Variants in METTL15 observed in about 807,000 individuals in gnomAD.
The protein encoded by METTL15 is methyltransferase 15, mitochondrial 12S rRNA N4-cytidine, also known as 12S rRNA N(4)-cytidine methyltransferase METTL15.
In METTL15, 34 loss-of-function variants were observed where a neutral mutation model predicts 38.3. That is an observed-to-expected ratio of 0.89 (90% CI 0.68 to 1.18). The LOEUF is 1.18. Among genes scored for constraint, METTL15 ranks in the 50% most tolerant of loss-of-function variants. The pLI, the probability that METTL15 is intolerant of heterozygous loss-of-function variation, is 0.00. For synonymous variants in METTL15, 162 were observed against 170.9 expected (o/e 0.95, Z 0.41); for missense variants, 438 against 498.4 (o/e 0.88, Z 1.15).
chr11:28,244,470 T>C (rs1854431103), intron 4 of METTL15, among the ~76,000 whole-genome samples: 1 of 152,172 alleles, frequency 6.6e-6, no homozygotes, highest in South Asian at 2.1e-4. Flanking sequence ...CTTGTTTTCT[T>C]TTTTAATTTG....
intron 3 of METTL15, among the ~76,000 whole-genome samples, chr11:28,119,350 A>G (rs1466694891): frequency 6.6e-6 from 1 of 152,210 alleles, no homozygotes; most frequent in African/African-American, 2.4e-5. Flanking sequence ...GTGAATGAAT[A>G]AAAGTCAAAG....
chr11:28,187,096 A>C (rs1386243092), intron 3 of METTL15, among the ~76,000 whole-genome samples: 1 of 151,296 alleles, frequency 6.6e-6, no homozygotes, highest in Non-Finnish European at 1.5e-5. Context: ...AGTAAATAAT[A>C]GAAAGCTTCA....
chr11:28,124,566 A>G (rs1245679371), intron 3 of METTL15, among the ~76,000 whole-genome samples: 1 of 152,152 alleles, frequency 6.6e-6, no homozygotes, highest in Non-Finnish European at 1.5e-5. Context: ...CCATTAAGTG[A>G]CTGAGGCTTA....
chr11:28,518,467 C>T (rs1264183948), intron 6 of METTL15, among the ~76,000 whole-genome samples: 1 of 152,204 alleles, frequency 6.6e-6, no homozygotes. Flanking sequence ...TGCATCATTC[C>T]TGTTGGAAGA....
At chr11:28,447,526 T>TC (rs1276620330) in intron 6 of METTL15, among the ~76,000 whole-genome samples, 1 of 152,120 alleles carries the variant, frequency 6.6e-6, no homozygotes, top group Non-Finnish European at 1.5e-5. Context: ...CCTTTTTTTT[T>TC]CCCACAGTTT....
chr11:28,496,887 G>A (rs1413581369), intron 6 of METTL15, among the ~76,000 whole-genome samples: 6 of 152,230 alleles, frequency 3.9e-5, no homozygotes, highest in Admixed American at 3.9e-4. Flanking sequence ...GTCTTTCCTA[G>A]CCAAATACCT....
chr11:28,321,033 A>G (rs7124454), intron 6 of METTL15, among the ~76,000 whole-genome samples: 15,704 of 152,180 alleles, frequency 0.1, 1,464 homozygotes, highest in East Asian at 0.36. Context: ...GGTTTTCAAT[A>G]GCCCTTTATC....
At chr11:28,384,469 C>T (rs1484496175) in intron 5 of METTL15, among the ~76,000 whole-genome samples, 2 of 151,916 alleles carry the variant, frequency 1.3e-5, no homozygotes, top group African/African-American at 4.8e-5. Context: ...TCATCATACC[C>T]GGCTAATTTT....
chr11:28,375,539 T>C (rs1329080437), intron 5 of METTL15, among the ~76,000 whole-genome samples: 2 of 152,134 alleles, frequency 1.3e-5, no homozygotes, highest in African/African-American at 2.4e-5. Flanking sequence ...TTATTGTGTC[T>C]ATTTGATTCT....
chr11:28,512,831 C>A (rs778840908), intron 6 of METTL15, among the ~76,000 whole-genome samples: 3 of 152,322 alleles, frequency 2.0e-5, no homozygotes, highest in South Asian at 4.1e-4. Flanking sequence ...AAGTGGGAGC[C>A]CAGGCAGAGG....
At chr11:28,114,520 G>A (rs535614201) in intron 3 of METTL15, among the ~76,000 whole-genome samples, 3 of 151,392 alleles carry the variant, frequency 2.0e-5, no homozygotes, top group African/African-American at 7.3e-5. Context: ...GTGTGATCTC[G>A]GCTCACTGCA....
downstream of METTL15, among the ~76,000 whole-genome samples, chr11:28,337,693 T>C (rs991373728): frequency 6.6e-6 from 1 of 152,132 alleles, no homozygotes; most frequent in African/African-American, 2.4e-5. Context: ...TATGCAGTAT[T>C]TTTAGTATTT....
chr11:28,424,148 T>C (rs1850845529), intron 5 of METTL15, among the ~76,000 whole-genome samples: 1 of 152,178 alleles, frequency 6.6e-6, no homozygotes, highest in Non-Finnish European at 1.5e-5. Flanking sequence ...TAATGTTCCA[T>C]CATTTTTATA....
intron 4 of METTL15, among the ~76,000 whole-genome samples, chr11:28,254,969 A>T (rs762246326): frequency 3.9e-5 from 6 of 152,100 alleles, no homozygotes; most frequent in Admixed American, 3.9e-4. Context: ...GTTCCATATA[A>T]ATCTTAGGAT....
intron 3 of METTL15, among the ~76,000 whole-genome samples, chr11:28,121,684 T>G (rs1852241635): frequency 6.6e-6 from 1 of 152,284 alleles, no homozygotes; most frequent in Middle Eastern, 3.4e-3. Flanking sequence ...TGATGATATC[T>G]TAAGCAAAAT....
intron 3 of METTL15, chr11:28,163,465 C>G (rs2133747276): frequency 2.5e-6 from 1 of 398,024 alleles, no homozygotes; most frequent in East Asian, 3.6e-5. Flanking sequence ...AACTCTCTCC[C>G]CATGCTGTTA....
At chr11:28,460,130 C>T (rs956617747) in intron 6 of METTL15, among the ~76,000 whole-genome samples, 1 of 151,530 alleles carries the variant, frequency 6.6e-6, no homozygotes, top group African/African-American at 2.4e-5. Flanking sequence ...TAAAATAATA[C>T]TTTATTATTA....
intron 4 of METTL15, among the ~76,000 whole-genome samples, chr11:28,223,780 A>G (rs965056696): frequency 6.6e-6 from 1 of 152,120 alleles, no homozygotes; most frequent in African/African-American, 2.4e-5. Flanking sequence ...TGTTGTTTGA[A>G]GACTGAAACT....
intron 6 of METTL15, among the ~76,000 whole-genome samples, chr11:28,489,704 A>G (rs769669831): frequency 2.0e-5 from 3 of 152,104 alleles, no homozygotes; most frequent in Non-Finnish European, 4.4e-5. Context: ...CTCTTCTACT[A>G]GGTATGTAAC....
Sources: gnomAD v4.1 joint callset for allele counts (sites outside exome capture counted in the v4.1 genomes callset) on GRCh38, gnomAD v4.1.1 for gene constraint, MANE v1.5 for transcripts, NCBI Gene and HGNC (gene_info 2026-07-23, HGNC 2026-07-21) for gene names.